ARMH3: variants seen among roughly 807,000 people sequenced by gnomAD.
The protein encoded by ARMH3 is armadillo-like helical domain-containing protein 3.
In ARMH3, 60 loss-of-function variants were observed where a neutral mutation model predicts 99.1. The ratio of observed to expected loss-of-function variants is 0.61; its 90% CI spans 0.49 to 0.75. The LOEUF is 0.75. Among genes scored for constraint, ARMH3 ranks in the 30% least tolerant of loss-of-function variants. The pLI is 0.00. For synonymous variants in ARMH3, 285 were observed against 292.8 expected (o/e 0.97, Z 0.27); for missense variants, 679 against 843.1 (o/e 0.81, Z 2.41).
chr10:101,902,296 C>CA, intron 23 of ARMH3, among the ~76,000 whole-genome samples: 1 of 152,156 alleles, frequency 6.6e-6, no homozygotes, highest in South Asian at 2.1e-4. Context: ...GAGACAAATT[C>CA]AAAAAATCAT....
chr10:101,932,213 C>T (rs1395456263), intron 23 of ARMH3, among the ~76,000 whole-genome samples: 1 of 152,218 alleles, frequency 6.6e-6, no homozygotes, highest in African/African-American at 2.4e-5. Context: ...GATAGCACTT[C>T]ACACCCGCTG....
intron 15 of ARMH3, among the ~76,000 whole-genome samples, chr10:101,995,697 C>T (rs1847023564): frequency 6.6e-6 from 1 of 152,174 alleles, no homozygotes; most frequent in Non-Finnish European, 1.5e-5. Context: ...ATAGTCAGGT[C>T]CATTTCCTTT....
chr10:101,887,366 A>G (rs969517109), intron 24 of ARMH3, among the ~76,000 whole-genome samples: 2 of 151,956 alleles, frequency 1.3e-5, no homozygotes, highest in Non-Finnish European at 2.9e-5. Context: ...TAGCACCACA[A>G]CTTATATTAT....
chr10:101,976,932 C>T (rs1184098868), intron 19 of ARMH3, among the ~76,000 whole-genome samples: 2 of 152,152 alleles, frequency 1.3e-5, no homozygotes, highest in African/African-American at 2.4e-5. Context: ...GGATTACAGG[C>T]ACGAGCCACC....
intron 24 of ARMH3, among the ~76,000 whole-genome samples, chr10:101,888,606 C>A (rs558767039): frequency 9.8e-5 from 15 of 152,302 alleles, no homozygotes; most frequent in African/African-American, 3.1e-4. Flanking sequence ...CAAAGATGCA[C>A]TGGCAAAAAA....
intron 2 of ARMH3, among the ~76,000 whole-genome samples, chr10:102,037,545 T>C (rs972934782): frequency 2.0e-5 from 3 of 151,800 alleles, no homozygotes; most frequent in African/African-American, 7.3e-5. Flanking sequence ...TCTCACAACG[T>C]CCTCATTTTT....
At chr10:102,054,765 G>A (rs1387244019) in intron 1 of ARMH3, among the ~76,000 whole-genome samples, 1 of 152,116 alleles carries the variant, frequency 6.6e-6, no homozygotes, top group Non-Finnish European at 1.5e-5. Flanking sequence ...GGAGATCGAG[G>A]TGGGTGAATC....
chr10:102,014,082 G>C, intron 8 of ARMH3, 58 bp from the exon 9 acceptor site: 1 of 1,386,146 alleles, frequency 7.2e-7, no homozygotes, highest in Non-Finnish European at 1.0e-6. Context: ...AAGCCCGTTA[G>C]CTATCTTTAA....
chr10:101,849,818 G>A lies in ARMH3; in HGVS notation c.1935C>T (p.Arg645=), dbSNP rs375718833. 144 of 1,614,078 alleles carry A rather than the reference G, an allele frequency of 8.9e-5. No homozygotes were observed. Among genetic ancestry groups the A allele is most frequent in the Middle Eastern group, 6.6e-4 (4 of 6,082 alleles). ...CAGCTTCCTTGTGCTGCTCTGAGTA[G>A]CGCTCATACTGGTCCAGGCCATCCT... is the stretch of plus-strand genomic sequence containing the variant. ...KLQDGLDQYE[R]YSEQHKEAAF... is the part of the protein sequence containing the mutation. The change falls in exon 25 of 26, where the codon CGC becomes CGT. Residue 645 remains arginine (R), a synonymous_variant. Transcript: ENST00000370033.
intron 24 of ARMH3, among the ~76,000 whole-genome samples, chr10:101,878,849 T>A (rs2067336646): frequency 1.3e-5 from 2 of 151,558 alleles, no homozygotes; most frequent in South Asian, 4.2e-4. Context: ...AAAAAAAAAA[T>A]TAAGTCATCA....
chr10:101,914,079 G>A (rs1464853069), intron 23 of ARMH3, among the ~76,000 whole-genome samples: 1 of 152,128 alleles, frequency 6.6e-6, no homozygotes, highest in Non-Finnish European at 1.5e-5. Flanking sequence ...AATAATTAAT[G>A]ACTAATTAAG....
chr10:101,944,292 A>AGAGC (rs1554871506), intron 22 of ARMH3, among the ~76,000 whole-genome samples: 47 of 83,938 alleles, frequency 5.6e-4, no homozygotes, highest in Non-Finnish European at 8.2e-4. Context: ...AGAGAGAGAG[A>AGAGC]GAGAGAGAGA....
At chr10:101,909,169 G>T (rs1456090996) in intron 23 of ARMH3, among the ~76,000 whole-genome samples, 1 of 151,756 alleles carries the variant, frequency 6.6e-6, no homozygotes, top group East Asian at 2.0e-4. Context: ...CACTTTGGGA[G>T]ATCGAGGCGG....
rs2066495627 is a variant in ARMH3 at position 101,847,728 on chromosome 10, G to T, written c.1978-108C>A. The stretch of plus-strand genomic sequence containing the variant: ...GTGCCTGCTACACGGGGCACTAGAA[G>T]TCTCTCTCTTAGGAAATGAACCCTT... On this transcript the variant is annotated intron_variant, in intron 25 of 25. Coordinates refer to ENST00000370033, the MANE Select transcript of ARMH3 (RefSeq NM_024541.3). 5 of 977,666 alleles carry T rather than the reference G, an allele frequency of 5.1e-6. No individual in the cohort carries two copies. The African/African-American group carries it at 6.4e-5, about 13-fold the overall frequency. The allele number at this position is 977,666 out of a possible 1,614,324, so 60.6% of individuals were successfully genotyped here.
intron 8 of ARMH3, among the ~76,000 whole-genome samples, chr10:102,020,913 CCACTCACTCA>C (rs1200899590): frequency 2.6e-5 from 4 of 151,770 alleles, no homozygotes; most frequent in Non-Finnish European, 4.4e-5. Context: ...CATTCACTCA[CCACTCACTCA>C]GACTCACCCA....
At chr10:101,974,218 T>A (rs1319539602) in intron 20 of ARMH3, among the ~76,000 whole-genome samples, 1 of 152,144 alleles carries the variant, frequency 6.6e-6, no homozygotes, top group Non-Finnish European at 1.5e-5. Context: ...GATCTCTACT[T>A]CCCATTATGG....
At chr10:101,896,229 CAAAAACAA>C (rs1216527618) in intron 23 of ARMH3, among the ~76,000 whole-genome samples, 2 of 140,848 alleles carry the variant, frequency 1.4e-5, no homozygotes, top group Admixed American at 1.5e-4. Flanking sequence ...GACCCTGTCT[CAAAAACAA>C]ACAAACAAAC....
At chr10:101,953,675 AG>A (rs970387608) in intron 22 of ARMH3, among the ~76,000 whole-genome samples, 3 of 151,948 alleles carry the variant, frequency 2.0e-5, no homozygotes, top group African/African-American at 7.3e-5. Flanking sequence ...ACAGTGAGGT[AG>A]CACTATATAT....
intron 23 of ARMH3, among the ~76,000 whole-genome samples, chr10:101,938,110 C>A (rs1458687505): frequency 6.6e-6 from 1 of 152,180 alleles, no homozygotes; most frequent in Non-Finnish European, 1.5e-5. Context: ...CTCAAGTGAT[C>A]CTCCCACCTC....
Sources: allele counts gnomAD v4.1 joint callset (sites outside exome capture counted in the v4.1 genomes callset), GRCh38; gene constraint gnomAD v4.1.1; transcripts MANE v1.5; gene names NCBI Gene and HGNC (gene_info 2026-07-23, HGNC 2026-07-21).